MAP4K3: variants seen among roughly 807,000 people sequenced by gnomAD.
The protein encoded by MAP4K3 is mitogen-activated protein kinase kinase kinase kinase 3.
MAP4K3 carries 94 observed loss-of-function variants against 143.5 expected under a neutral mutation model. That is an observed-to-expected ratio of 0.65 (90% CI 0.55 to 0.78). The LOEUF is 0.78. Ranked by LOEUF, MAP4K3 falls within the 30% of genes least tolerant of loss-of-function variation. The pLI is 0.00. For missense variants in MAP4K3, 1,077 were observed against 1,068.1 expected (o/e 1.01, Z -0.12); for synonymous variants, 416 against 347.2 (o/e 1.20, Z -2.20).
In MAP4K3 at chr2:39,287,104, T is replaced by C. The variant is rs1054201131; in HGVS notation, c.1475-140A>G. ...GGGATCACCCAATCAGAATATTTAC[T>C]ATGAAAGTAAGACGTCATTTATATA... On this transcript the variant is annotated intron_variant, in intron 20 of 33. Coordinates refer to ENST00000263881, the MANE Select transcript of MAP4K3 (RefSeq NM_003618.4). 41 of 529,422 alleles carry C rather than the reference T, an allele frequency of 7.7e-5. No homozygotes were observed. The East Asian group carries it at 9.2e-4, about 12-fold the overall frequency. The allele number at this position is 529,422 out of a possible 1,614,324, so 32.8% of individuals were successfully genotyped here.
At position 39,340,727 on chromosome 2, in the gene MAP4K3, T is replaced by A. The variant is rs1050508230; in HGVS notation, c.310+2661A>T. On this transcript the variant is annotated intron_variant, in intron 4 of 33. Transcript: ENST00000263881. ...AAGATGTAAAAGAAGGAATGAAAACTGTAAGAATAAGACACAAAGGAAAAA... is the reference window on the plus strand; with the variant it reads ...AAGATGTAAAAGAAGGAATGAAAACAGTAAGAATAAGACACAAAGGAAAAA... Among the ~76,000 whole-genome samples, 10 of 152,186 alleles carry A rather than the reference T, an allele frequency of 6.6e-5. No homozygotes were observed. The East Asian group carries it at 1.5e-3, about 23-fold the overall frequency.
intron 1 of MAP4K3, among the ~76,000 whole-genome samples, chr2:39,381,813 T>C (rs1666362366): frequency 6.6e-6 from 1 of 152,172 alleles, no homozygotes; most frequent in African/African-American, 2.4e-5. Context: ...CCCAGAGCCA[T>C]CCACGCTTTG....
intron 1 of MAP4K3, among the ~76,000 whole-genome samples, chr2:39,436,336 A>T (rs111588870): frequency 3.0e-4 from 46 of 151,840 alleles, no homozygotes; most frequent in African/African-American, 1.1e-3. Flanking sequence ...AAAAAAAGTC[A>T]TTACTCTGGA....
At chr2:39,331,307 C>T (rs1175808469) in intron 8 of MAP4K3, among the ~76,000 whole-genome samples, 8 of 152,008 alleles carry the variant, frequency 5.3e-5, no homozygotes, top group South Asian at 2.1e-4. Context: ...GCATAGTAAG[C>T]GGCCAAAAAC....
intron 4 of MAP4K3, 91 bp from the exon 5 acceptor site, chr2:39,337,672 A>T (rs1436511342): frequency 3.8e-6 from 3 of 786,992 alleles, no homozygotes; most frequent in Non-Finnish European, 6.5e-6. Flanking sequence ...CAACAGACTT[A>T]ATATCCCTAA....
intron 1 of MAP4K3, among the ~76,000 whole-genome samples, chr2:39,386,842 G>T: frequency 7.3e-6 from 1 of 136,826 alleles, no homozygotes. Context: ...TTGAGACGGA[G>T]TCTCACTCTG....
intron 28 of MAP4K3, among the ~76,000 whole-genome samples, chr2:39,264,621 G>A (rs1680697641): frequency 6.6e-6 from 1 of 152,112 alleles, no homozygotes. Context: ...AATTCATTTG[G>A]TATTTCCTTG....
intron 2 of MAP4K3, among the ~76,000 whole-genome samples, chr2:39,375,925 G>A (rs533727402): frequency 2.0e-5 from 3 of 152,104 alleles, no homozygotes; most frequent in Non-Finnish European, 4.4e-5. Context: ...TGTTTTTATT[G>A]TTGAATAGTA....
chr2:39,255,726 A>T (rs6544215), intron 31 of MAP4K3, among the ~76,000 whole-genome samples: 1 of 152,102 alleles, frequency 6.6e-6, no homozygotes, highest in African/African-American at 2.4e-5. Context: ...GGGTCTCCCA[A>T]TGTTGTCCAG....
At chr2:39,337,452 T>G in intron 5 of MAP4K3, 74 bp downstream of exon 5, 2 of 1,032,476 alleles carry the variant, frequency 1.9e-6, no homozygotes, top group Admixed American at 4.0e-5. Flanking sequence ...CTTACTTTGC[T>G]GAACAGGTAA....
intron 15 of MAP4K3, among the ~76,000 whole-genome samples, chr2:39,304,677 T>TA (rs1347786303): frequency 2.0e-5 from 3 of 152,260 alleles, no homozygotes; most frequent in South Asian, 4.1e-4. Context: ...CTCAAAAAAT[T>TA]AAAGATAGAA....
At chr2:39,268,213 A>G (rs1680850184) in intron 26 of MAP4K3, among the ~76,000 whole-genome samples, 1 of 152,208 alleles carries the variant, frequency 6.6e-6, no homozygotes, top group Admixed American at 6.5e-5. Context: ...TTTAAAAACT[A>G]CACATACACT....
intron 2 of MAP4K3, among the ~76,000 whole-genome samples, chr2:39,369,013 C>G (rs1200627994): frequency 1.3e-5 from 2 of 152,112 alleles, no homozygotes; most frequent in South Asian, 4.1e-4. Context: ...TTCCTTCCCT[C>G]TGCACATAAC....
At chr2:39,417,033 C>T (rs187099316) in intron 1 of MAP4K3, among the ~76,000 whole-genome samples, 2 of 152,198 alleles carry the variant, frequency 1.3e-5, no homozygotes, top group South Asian at 2.1e-4. Flanking sequence ...ATGCTTAGCA[C>T]ATAGTAAGTG....
rs367732145 is a variant in MAP4K3 at position 39,297,830 on chromosome 2, T to A, written c.1178+1913A>T. On this transcript the variant is annotated intron_variant, in intron 16 of 33. Transcript: ENST00000263881. The stretch of plus-strand genomic sequence containing the variant: ...CCAACCTACCTTGCCAAGGGTTCGT[T>A]ACATAGAATACAGTTCCTTAAGCAG... Among the ~76,000 whole-genome samples, 5 of 152,316 alleles carry A rather than the reference T, an allele frequency of 3.3e-5. No homozygotes were observed. In the South Asian group the frequency reaches 1.0e-3, roughly 32 times the overall value.
chr2:39,325,359 G>C (rs185065961), intron 12 of MAP4K3, among the ~76,000 whole-genome samples, 159 bp downstream of exon 12: 58 of 152,238 alleles, frequency 3.8e-4, no homozygotes, highest in Non-Finnish European at 2.9e-5. Flanking sequence ...GACTTTCCAT[G>C]AAAGGCAAAG....
chr2:39,359,073 C>G (rs1665690804), intron 2 of MAP4K3, among the ~76,000 whole-genome samples: 3 of 152,164 alleles, frequency 2.0e-5, no homozygotes, highest in Admixed American at 2.0e-4. Flanking sequence ...TGAGACAAGG[C>G]AAGTCCCTTC....
intron 2 of MAP4K3, among the ~76,000 whole-genome samples, chr2:39,370,232 T>C (rs1271288627): frequency 6.6e-6 from 1 of 152,224 alleles, no homozygotes; most frequent in Non-Finnish European, 1.5e-5. Flanking sequence ...CCTCAAGTCA[T>C]AGTATGATTC....
chr2:39,328,783 C>T (rs185338831), intron 8 of MAP4K3, among the ~76,000 whole-genome samples: 5 of 152,180 alleles, frequency 3.3e-5, no homozygotes, highest in East Asian at 1.9e-4. Context: ...GTTTGCATTA[C>T]TAAAATGGAA....
Sources: gnomAD v4.1 joint callset for allele counts (sites outside exome capture counted in the v4.1 genomes callset) on GRCh38, gnomAD v4.1.1 for gene constraint, MANE v1.5 for transcripts, NCBI Gene and HGNC (gene_info 2026-07-23, HGNC 2026-07-21) for gene names.